Variants in DGKH observed in about 807,000 individuals in gnomAD.
The protein encoded by DGKH is diacylglycerol kinase eta, also known as DAG kinase eta.
In DGKH, 90 loss-of-function variants were observed where a neutral mutation model predicts 159.3. That is an observed-to-expected ratio of 0.57 (90% CI 0.48 to 0.67). DGKH has a LOEUF of 0.67. Ranked by LOEUF, DGKH falls within the 30% of genes least tolerant of loss-of-function variation. The pLI, the probability that DGKH is intolerant of heterozygous loss-of-function variation, is 0.00. For missense variants in DGKH, 1,181 were observed against 1,506.1 expected (o/e 0.78, Z 3.57); for synonymous variants, 536 against 553.8 (o/e 0.97, Z 0.45).
Position 42,228,411 on chromosome 13 carries a change from T to C in DGKH, c.3574-688T>C, listed in dbSNP as rs1182840388. 2.6e-5 allele frequency among the ~76,000 whole-genome samples: 4 copies of C among 152,302 alleles called. No homozygotes were observed. The East Asian group carries it at 5.8e-4, about 22-fold the overall frequency. ...ATTAAATTAAATATTCCTCTCAAAT[T>C]GAAGCCTTGTAATGCAACTGCAAAT... On this transcript the variant is annotated intron_variant, in intron 29 of 29. Transcript: ENST00000337343.
rs1555264253 is a variant in DGKH at position 42,135,507 on chromosome 13, A to AG, written c.384+5875_384+5876insG. On this transcript the variant is annotated intron_variant, in intron 3 of 29. Transcript: ENST00000337343. ...CCTGTCTCAGAAAAAAAAAAAAAAA[A>AG]AGAGAGAGAGAGAAAAAGAAAAAAA... Among the ~76,000 whole-genome samples the AG allele has an allele frequency of 6.3e-3, 717 of 113,390 alleles. 21 individuals carry two copies. The highest frequency in any genetic ancestry group is 0.016 in the Middle Eastern group (3 of 184). 74.4% of individuals were successfully genotyped at this position (113,390 alleles called of 152,430 possible).
At chr13:42,094,282 G>C (rs1954479230) in intron 1 of DGKH, among the ~76,000 whole-genome samples, 1 of 152,126 alleles carries the variant, frequency 6.6e-6, no homozygotes, top group Non-Finnish European at 1.5e-5. Flanking sequence ...AAAAAAAGAT[G>C]TCAAAATAGC....
At position 42,118,216 on chromosome 13, in the gene DGKH, C is replaced by CA. The variant is rs1411273482; in HGVS notation, c.193-9237dup. On this transcript the variant is annotated intron_variant, in intron 1 of 29. Coordinates refer to ENST00000337343, the MANE Select transcript of DGKH (RefSeq NM_178009.5). ...TGGGCAAGAGAGAGAGACTCCGTCT[C>CA]AAAAAAAAAAGCATTTCCAGCCTGT... is the stretch of plus-strand genomic sequence containing the variant. Among the ~76,000 whole-genome samples the CA allele has an allele frequency of 4.2e-3, 615 of 146,004 alleles. 3 individuals carry two copies. Among genetic ancestry groups the CA allele is most frequent in the African/African-American group, 0.014 (569 of 39,944 alleles).
intron 1 of DGKH, among the ~76,000 whole-genome samples, chr13:42,100,435 T>C (rs926400627): frequency 8.5e-5 from 13 of 152,128 alleles, no homozygotes; most frequent in African/African-American, 2.9e-4. Flanking sequence ...GCTTGAGTCA[T>C]CCTGAAACCA....
chr13:42,159,694 T>C (rs1442934384), intron 6 of DGKH, among the ~76,000 whole-genome samples: 1 of 152,138 alleles, frequency 6.6e-6, no homozygotes, highest in Non-Finnish European at 1.5e-5. Context: ...CTCAACAGTA[T>C]ACCTCCACTT....
chr13:42,219,646 C>A, intron 27 of DGKH, 40 bp from the exon 28 acceptor site: 1 of 1,562,322 alleles, frequency 6.4e-7, no homozygotes, highest in South Asian at 1.2e-5. Context: ...TTCTCCTTTT[C>A]ATATCCTGAA....
At chr13:42,183,155 G>A (rs1229677893) in intron 13 of DGKH, among the ~76,000 whole-genome samples, 2 of 152,088 alleles carry the variant, frequency 1.3e-5, no homozygotes, top group East Asian at 3.9e-4. Flanking sequence ...TGGGTGTGGT[G>A]GTATGTGCCT....
In DGKH at chr13:42,138,014, G is replaced by A. The variant is rs1955438302; in HGVS notation, c.384+8382G>A. ...CTAACTTGAGTCATCTGATAGAACA[G>A]GCCCCTTGTGAGGTAATAGCTCTTC... is the stretch of plus-strand genomic sequence containing the variant. On this transcript the variant is annotated intron_variant, in intron 3 of 29. Transcript: ENST00000337343. 3 of 845,698 alleles carry A rather than the reference G, an allele frequency of 3.5e-6. No homozygotes were observed. The South Asian group carries it at 1.6e-4, about 46-fold the overall frequency. The allele number at this position is 845,698 out of a possible 1,614,324, so 52.4% of individuals were successfully genotyped here.
Position 42,207,137 on chromosome 13 carries a change from CCTTCCTTCCT to C in DGKH, c.2601+992_2601+1001del, listed in dbSNP as rs1566192669. 8.3e-3 allele frequency among the ~76,000 whole-genome samples: 283 copies of C among 33,900 alleles called. 26 individuals are homozygous for C. Among genetic ancestry groups the C allele is most frequent in the African/African-American group, 0.013 (125 of 9,926 alleles). The allele number at this position is 33,900 out of a possible 152,430, so 22.2% of individuals were successfully genotyped here. ...TCTCTTTCTCTCTCCTTCCTTCCTT[CCTTCCTTCCT>C]TCCTTCCTTCCTTCCTTCCTTCCTT... On this transcript the variant is annotated intron_variant, in intron 21 of 29. Coordinates refer to ENST00000337343, the MANE Select transcript of DGKH (RefSeq NM_178009.5).
At chr13:42,192,989 G>C (rs914969024) in intron 16 of DGKH, among the ~76,000 whole-genome samples, 1 of 152,050 alleles carries the variant, frequency 6.6e-6, no homozygotes, top group Non-Finnish European at 1.5e-5. Flanking sequence ...CCTAATTATA[G>C]TAGTTTACAC....
rs1566191787 is a variant in DGKH at position 42,207,027 on chromosome 13, T to TTTC, written c.2601+882_2601+883insTCT. On this transcript the variant is annotated intron_variant, in intron 21 of 29. Coordinates refer to ENST00000337343, the MANE Select transcript of DGKH (RefSeq NM_178009.5). ...TCTTTCTTTCTTTCTTTCTTTCTTT[T>TTTC]TCTTTCTTTCTTTCCTTCTTTCCTT... is the stretch of plus-strand genomic sequence containing the variant. Among the ~76,000 whole-genome samples the TTTC allele has an allele frequency of 9.8e-5, 9 of 92,302 alleles. 1 individual carries two copies. Among genetic ancestry groups the TTTC allele is most frequent in the African/African-American group, 3.8e-4 (8 of 21,012 alleles). 60.6% of individuals were successfully genotyped at this position (92,302 alleles called of 152,430 possible).
intron 21 of DGKH, 80 bp from the exon 22 acceptor site, chr13:42,208,879 G>GAT: frequency 2.4e-6 from 1 of 417,868 alleles, no homozygotes. Context: ...AATATATGTA[G>GAT]ATATATATTG....
At chr13:42,143,814 T>A (rs1012235376) in intron 3 of DGKH, among the ~76,000 whole-genome samples, 2 of 152,140 alleles carry the variant, frequency 1.3e-5, no homozygotes, top group Admixed American at 6.5e-5. Context: ...GTCTTGCTAG[T>A]GGTCTATCAA....
At chr13:42,253,324 G>A (rs1182459638) in intron 30 of DGKH, among the ~76,000 whole-genome samples, 1 of 152,050 alleles carries the variant, frequency 6.6e-6, no homozygotes, top group African/African-American at 2.4e-5. Flanking sequence ...TCCACCATGT[G>A]CGGACACAGC....
In DGKH at chr13:42,070,923, CTG is replaced by C. The variant is rs1317911510; in HGVS notation, c.192+21959_192+21960del. On this transcript the variant is annotated intron_variant, in intron 1 of 29. Transcript: ENST00000337343. Reference sequence around the variant, plus strand: ...TTTCACATAGAGCATGTTTGACACTCTGGGGATTGGTAAGGACAATTTTCTTG... The same window carrying C: ...TTTCACATAGAGCATGTTTGACACTCGGGATTGGTAAGGACAATTTTCTTG... 3 of 1,279,204 alleles carry C rather than the reference CTG, an allele frequency of 2.3e-6. No homozygotes were observed. The African/African-American group carries it at 4.4e-5, about 19-fold the overall frequency. The allele number at this position is 1,279,204 out of a possible 1,614,324, so 79.2% of individuals were successfully genotyped here.
At chr13:42,093,859 G>C (rs1041261362) in intron 1 of DGKH, among the ~76,000 whole-genome samples, 2 of 152,154 alleles carry the variant, frequency 1.3e-5, no homozygotes, top group Admixed American at 1.3e-4. Flanking sequence ...GCTGAGAAGC[G>C]GGGGAGTGGG....
intron 11 of DGKH, among the ~76,000 whole-genome samples, chr13:42,173,720 AAAGTCAGAATGCAT>A (rs1411911698): frequency 6.6e-6 from 1 of 152,218 alleles, no homozygotes; most frequent in Non-Finnish European, 1.5e-5. Context: ...AAAGAATGGA[AAAGTCAGAATGCAT>A]TGCACCTGAG....
At chr13:42,220,559 A>C (rs1957941184) in intron 28 of DGKH, among the ~76,000 whole-genome samples, 1 of 152,240 alleles carries the variant, frequency 6.6e-6, no homozygotes, top group Admixed American at 6.5e-5. Flanking sequence ...TGTGATATTC[A>C]TAAAGCAGCT....
intron 26 of DGKH, among the ~76,000 whole-genome samples, chr13:42,218,119 T>A (rs1270628464): frequency 1.3e-5 from 2 of 152,210 alleles, no homozygotes; most frequent in Non-Finnish European, 2.9e-5. Context: ...AACCTTCCTT[T>A]GGTTACTTAG....
Sources: gnomAD v4.1 joint callset for allele counts (sites outside exome capture counted in the v4.1 genomes callset) on GRCh38, gnomAD v4.1.1 for gene constraint, MANE v1.5 for transcripts, NCBI Gene and HGNC (gene_info 2026-07-23, HGNC 2026-07-21) for gene names.